The following LHFPL1 variants were observed in gnomAD, a reference collection of about 807,000 sequenced individuals.
LHFPL1 encodes the protein LHFPL tetraspan subfamily member 1 protein.
LHFPL1 carries 4 observed loss-of-function variants against 12.1 expected under a neutral mutation model. The observed-to-expected ratio is 0.33, with a 90% CI of 0.16 to 0.76. The LOEUF is 0.76. Ranked by LOEUF, LHFPL1 falls within the 30% of genes least tolerant of loss-of-function variation. The pLI is 0.61. For synonymous variants in LHFPL1, 52 were observed against 61.9 expected (o/e 0.84, Z 0.75); for missense variants, 141 against 174.1 (o/e 0.81, Z 1.07).
At chrX:112,633,369 A>T (rs1930246097) in intron 3 of LHFPL1, among the ~76,000 whole-genome samples, 1 of 112,409 alleles carries the variant, frequency 8.9e-6, no homozygotes, top group Non-Finnish European at 1.9e-5. Flanking sequence ...ATGTGCCCTG[A>T]TCCCTTGTAC....
At chrX:112,641,161 C>T in intron 3 of LHFPL1, among the ~76,000 whole-genome samples, 1 of 111,802 alleles carries the variant, frequency 8.9e-6, no homozygotes, top group Non-Finnish European at 1.9e-5. Context: ...CGGATATACA[C>T]CACAGAGACT....
Position 112,660,626 on chromosome X carries a change from C to T in LHFPL1, c.481+1G>A. ...ACTGCCATCTGCCCAGGCCACCTTACCTAACTGAAATTGATTGGAGACATT... is the reference window on the plus strand; with the variant it reads ...ACTGCCATCTGCCCAGGCCACCTTATCTAACTGAAATTGATTGGAGACATT... On this transcript the variant is annotated splice_donor_variant, in intron 3 of 3. Transcript: ENST00000371968. LOFTEE classifies it high-confidence loss of function. The T allele has an allele frequency of 2.5e-6, 3 of 1,204,942 alleles. No homozygotes were observed. The highest frequency in any genetic ancestry group is 3.4e-6 in the Non-Finnish European group (3 of 889,366).
chrX:112,637,943 T>C (rs1406968723), intron 3 of LHFPL1, among the ~76,000 whole-genome samples: 2 of 111,566 alleles, frequency 1.8e-5, no homozygotes, highest in African/African-American at 6.5e-5. Context: ...AAGTGTTGGA[T>C]ATTGGTGTGG....
chrX:112,673,057 G>GT lies in LHFPL1; in HGVS notation c.-14-1654dup, dbSNP rs200437499. Among the ~76,000 whole-genome samples, 412 of 111,745 alleles carry GT rather than the reference G, an allele frequency of 3.7e-3. 1 individual carries two copies. Among genetic ancestry groups the GT allele is most frequent in the African/African-American group, 0.013 (399 of 30,780 alleles). ...CTACCCCCTCTCCATGACTTTACAG[G>GT]TGGGAATATGGAGAGGAAGTGATTT... On this transcript the variant is annotated intron_variant, in intron 1 of 3. Coordinates refer to ENST00000371968, the MANE Select transcript of LHFPL1 (RefSeq NM_178175.4).
In LHFPL1 at chrX:112,648,902, C is replaced by T. The variant is rs775496401; in HGVS notation, c.481+11725G>A. 5.4e-5 allele frequency among the ~76,000 whole-genome samples: 6 copies of T among 111,832 alleles called. No individual in the cohort carries two copies. In the South Asian group the frequency reaches 2.2e-3, roughly 42 times the overall value. ...GACAATAGATTGACTCTATTACCAA[C>T]AAATAGTGCTTTCAATAATAGGAAG... On this transcript the variant is annotated intron_variant, in intron 3 of 3. Transcript: ENST00000371968.
chrX:112,638,815 A>C (rs765198896), intron 3 of LHFPL1, among the ~76,000 whole-genome samples: 1 of 112,259 alleles, frequency 8.9e-6, no homozygotes, highest in Non-Finnish European at 1.9e-5. Context: ...GGCACCATCT[A>C]AAGTCATGAA....
chrX:112,643,451 G>A (rs1930591554), intron 3 of LHFPL1, among the ~76,000 whole-genome samples: 2 of 110,360 alleles, frequency 1.8e-5, no homozygotes, highest in South Asian at 7.8e-4. Flanking sequence ...GAGGCCTCAG[G>A]AAACTTATCA....
At chrX:112,637,028 T>TC (rs1930361265) in intron 3 of LHFPL1, among the ~76,000 whole-genome samples, 1 of 111,561 alleles carries the variant, frequency 9.0e-6, no homozygotes, top group Non-Finnish European at 1.9e-5. Flanking sequence ...CAAATGAGCT[T>TC]TATGCAAAGC....
At chrX:112,657,441 A>T (rs1457708917) in intron 3 of LHFPL1, among the ~76,000 whole-genome samples, 2 of 112,097 alleles carry the variant, frequency 1.8e-5, no homozygotes, top group African/African-American at 6.5e-5. Context: ...GACAAGCTAA[A>T]TCTAAAATTC....
At chrX:112,639,781 G>T (rs758130513) in intron 3 of LHFPL1, among the ~76,000 whole-genome samples, 1 of 112,055 alleles carries the variant, frequency 8.9e-6, no homozygotes, top group African/African-American at 3.2e-5. Context: ...GTGCTTCTAG[G>T]TCTTTCTCCA....
At chrX:112,651,421 T>C (rs1930851250) in intron 3 of LHFPL1, among the ~76,000 whole-genome samples, 1 of 111,927 alleles carries the variant, frequency 8.9e-6, no homozygotes, top group Non-Finnish European at 1.9e-5. Context: ...ATCATCTATG[T>C]ACTAAGAACT....
chrX:112,651,681 C>A (rs1229539576), intron 3 of LHFPL1, among the ~76,000 whole-genome samples: 1 of 111,850 alleles, frequency 8.9e-6, no homozygotes, highest in Non-Finnish European at 1.9e-5. Flanking sequence ...AAACAGCCTA[C>A]TTTCCCCAGC....
chrX:112,637,651 G>C (rs1172316008), intron 3 of LHFPL1, among the ~76,000 whole-genome samples: 1 of 112,170 alleles, frequency 8.9e-6, no homozygotes, highest in Admixed American at 9.5e-5. Context: ...AGAGAATGAG[G>C]TAAGTCTGTC....
intron 3 of LHFPL1, among the ~76,000 whole-genome samples, chrX:112,639,305 G>A (rs1400496487): frequency 1.8e-5 from 2 of 110,900 alleles, no homozygotes; most frequent in Non-Finnish European, 1.9e-5. Flanking sequence ...AGCCTGCCAG[G>A]CTCCTTTGCC....
At chrX:112,671,910 C>T (rs919946436) in intron 1 of LHFPL1, among the ~76,000 whole-genome samples, 1 of 111,487 alleles carries the variant, frequency 9.0e-6, no homozygotes, top group Non-Finnish European at 1.9e-5. Flanking sequence ...TATCAAGACC[C>T]GCCCCTACTA....
At chrX:112,669,778 C>A (rs141230431) in intron 2 of LHFPL1, among the ~76,000 whole-genome samples, 1,469 of 111,760 alleles carry the variant, frequency 0.013, 18 homozygotes, top group African/African-American at 0.046. Flanking sequence ...GTCAGTAGGA[C>A]CTTCCCCAAG....
chrX:112,663,561 C>G (rs1294772648), intron 2 of LHFPL1, among the ~76,000 whole-genome samples: 1 of 111,692 alleles, frequency 9.0e-6, no homozygotes, highest in Non-Finnish European at 1.9e-5. Context: ...CTACGCTAAT[C>G]TCTCCTTGTT....
chrX:112,654,894 ATTC>A (rs1569364290), intron 3 of LHFPL1, among the ~76,000 whole-genome samples: 1 of 111,644 alleles, frequency 9.0e-6, no homozygotes, highest in Non-Finnish European at 1.9e-5. Flanking sequence ...CAGGTGGGCA[ATTC>A]TTCTACTTTA....
At chrX:112,679,288 C>T (rs905740724) in intron 1 of LHFPL1, among the ~76,000 whole-genome samples, 1 of 111,979 alleles carries the variant, frequency 8.9e-6, no homozygotes, top group African/African-American at 3.3e-5. Flanking sequence ...TGCCTTGGCA[C>T]ATAGTAGGAA....
Sources: allele counts gnomAD v4.1 joint callset (sites outside exome capture counted in the v4.1 genomes callset), GRCh38; gene constraint gnomAD v4.1.1; transcripts MANE v1.5; gene names NCBI Gene and HGNC (gene_info 2026-07-23, HGNC 2026-07-21).